Variants in CDK6 observed in about 807,000 individuals in gnomAD.
CDK6 encodes the protein cyclin dependent kinase 6.
In CDK6, 6 loss-of-function variants were observed where a neutral mutation model predicts 37.1. The ratio of observed to expected loss-of-function variants is 0.16; its 90% CI spans 0.09 to 0.32. The LOEUF is 0.32. Ranked by LOEUF, CDK6 falls within the 10% of genes least tolerant of loss-of-function variation. CDK6 has a pLI of 1.00. For synonymous variants in CDK6, 160 were observed against 161.3 expected (o/e 0.99, Z 0.06); for missense variants, 224 against 418.9 (o/e 0.53, Z 4.06).
At chr7:92,648,694 T>A (rs959915419) in intron 5 of CDK6, among the ~76,000 whole-genome samples, 5 of 152,152 alleles carry the variant, frequency 3.3e-5, no homozygotes, top group Admixed American at 2.6e-4. Flanking sequence ...GATGACCGAG[T>A]GTTTGCCAAG....
At chr7:92,806,695 T>C (rs1053565932) in intron 2 of CDK6, among the ~76,000 whole-genome samples, 2 of 152,022 alleles carry the variant, frequency 1.3e-5, no homozygotes, top group African/African-American at 2.4e-5. Context: ...CCAATAGAAA[T>C]TTTGCAACAT....
intron 2 of CDK6, among the ~76,000 whole-genome samples, chr7:92,804,781 T>A (rs1160184613): frequency 6.6e-6 from 1 of 152,186 alleles, no homozygotes; most frequent in Non-Finnish European, 1.5e-5. Context: ...TTAACATCAA[T>A]AACCTCTACC....
intron 6 of CDK6, 63 bp from the exon 7 acceptor site, chr7:92,618,270 A>T (rs1795724718): frequency 6.3e-7 from 1 of 1,575,948 alleles, no homozygotes; most frequent in African/African-American, 1.4e-5. Flanking sequence ...TTTCTCATCA[A>T]TTTCCAGAGA....
chr7:92,758,098 T>C (rs1799360153), intron 3 of CDK6, among the ~76,000 whole-genome samples: 1 of 152,216 alleles, frequency 6.6e-6, no homozygotes, highest in Non-Finnish European at 1.5e-5. Flanking sequence ...CTGTAGGGTG[T>C]TGTCTGTTTA....
intron 4 of CDK6, among the ~76,000 whole-genome samples, chr7:92,721,088 G>A (rs1798354809): frequency 1.3e-5 from 2 of 152,132 alleles, no homozygotes; most frequent in African/African-American, 4.8e-5. Context: ...ACCCATGCCA[G>A]GTGTTAAATA....
chr7:92,692,670 G>A (rs1244370962), intron 4 of CDK6, among the ~76,000 whole-genome samples: 3 of 151,812 alleles, frequency 2.0e-5, no homozygotes, highest in Non-Finnish European at 2.9e-5. Flanking sequence ...CCGTGGTCCC[G>A]GCTACTCTGG....
chr7:92,678,427 G>C (rs1240782716), intron 4 of CDK6, among the ~76,000 whole-genome samples: 1 of 152,098 alleles, frequency 6.6e-6, no homozygotes, highest in African/African-American at 2.4e-5. Context: ...CAACAGGAGG[G>C]GGAGCGGAAG....
At chr7:92,678,851 G>C (rs1422843726) in intron 4 of CDK6, among the ~76,000 whole-genome samples, 2 of 152,192 alleles carry the variant, frequency 1.3e-5, no homozygotes, top group African/African-American at 2.4e-5. Flanking sequence ...CAGAGAGAAG[G>C]AGAAGCATGA....
chr7:92,774,103 C>T (rs1052563711), intron 3 of CDK6, among the ~76,000 whole-genome samples: 3 of 152,186 alleles, frequency 2.0e-5, no homozygotes, highest in Non-Finnish European at 4.4e-5. Flanking sequence ...ATCTAGTTTA[C>T]TGACCTCTAA....
At chr7:92,746,744 G>C (rs1469837384) in intron 3 of CDK6, among the ~76,000 whole-genome samples, 1 of 152,132 alleles carries the variant, frequency 6.6e-6, no homozygotes, top group African/African-American at 2.4e-5. Flanking sequence ...ACCAACACCT[G>C]ACATTATAAA....
intron 3 of CDK6, among the ~76,000 whole-genome samples, chr7:92,738,496 G>A (rs1315801332): frequency 1.3e-5 from 2 of 151,984 alleles, no homozygotes; most frequent in Non-Finnish European, 2.9e-5. Flanking sequence ...AAAATTAGCT[G>A]GGCATGGTGG....
chr7:92,619,536 T>C (rs1382398696), intron 6 of CDK6, among the ~76,000 whole-genome samples: 1 of 151,582 alleles, frequency 6.6e-6, no homozygotes, highest in African/African-American at 2.4e-5. Context: ...GCTTGGCCTC[T>C]ACTTGTTGGG....
chr7:92,801,700 T>C (rs1383622986), intron 2 of CDK6, among the ~76,000 whole-genome samples: 2 of 151,728 alleles, frequency 1.3e-5, no homozygotes, highest in East Asian at 1.9e-4. Flanking sequence ...CGGTTCACTG[T>C]CACCCCCACC....
rs11285626 is a variant in CDK6, at chr7:92,711,552, ATTTTTTTTTTTT to A, written c.537+14062_537+14073del. On this transcript the variant is annotated intron_variant, in intron 4 of 7. Coordinates refer to ENST00000424848, the MANE Select transcript of CDK6 (RefSeq NM_001145306.2). ...TTTTTTACCTACCTGGAATGGTCAA[ATTTTTTTTTTTT>A]TTTTTTTTTTTTTTTTTTTAAGATA... 1.0e-3 allele frequency among the ~76,000 whole-genome samples: 58 copies of A among 56,630 alleles called. 2 individuals carry two copies. In the South Asian group the frequency reaches 0.024, roughly 24 times the overall value. The allele number at this position is 56,630 out of a possible 152,430, so 37.2% of individuals were successfully genotyped here. A position where few individuals can be genotyped will look rare whatever the true frequency, so the allele number is the denominator to read the frequency against.
At chr7:92,723,970 T>A (rs1039690445) in intron 4 of CDK6, among the ~76,000 whole-genome samples, 12 of 151,990 alleles carry the variant, frequency 7.9e-5, no homozygotes, top group African/African-American at 2.9e-4. Context: ...TATTTATGGT[T>A]ATTAGTGCCC....
rs538928407 is a variant in CDK6, at chr7:92,669,464, T to C, written c.647+1962A>G. ...GCATCAATCATGACTAGTATTCAAG[T>C]CTGTAATTGTTGAAGGACTCTGTCT... is the stretch of plus-strand genomic sequence containing the variant. On this transcript the variant is annotated intron_variant, in intron 5 of 7. Transcript: ENST00000424848. Among the ~76,000 whole-genome samples, 156 of 152,370 alleles carry C rather than the reference T, an allele frequency of 1.0e-3. 1 individual carries two copies. Among genetic ancestry groups the C allele is most frequent in the Middle Eastern group, 3.4e-3 (1 of 294 alleles).
intron 3 of CDK6, among the ~76,000 whole-genome samples, chr7:92,764,229 C>T (rs975194897): frequency 1.3e-5 from 2 of 151,606 alleles, no homozygotes; most frequent in African/African-American, 4.9e-5. Context: ...ACCTGAATCT[C>T]CCAGGCCCAA....
intron 2 of CDK6, among the ~76,000 whole-genome samples, chr7:92,825,403 C>T (rs1219261011): frequency 1.3e-5 from 2 of 152,150 alleles, no homozygotes; most frequent in African/African-American, 2.4e-5. Context: ...AGGAACAAGA[C>T]AACACAGTCC....
At chr7:92,827,910 T>C (rs960397853) in intron 2 of CDK6, among the ~76,000 whole-genome samples, 3 of 152,168 alleles carry the variant, frequency 2.0e-5, no homozygotes, top group Admixed American at 6.5e-5. Context: ...CATATTTGCT[T>C]ATGTGTCTGA....
Sources: allele counts gnomAD v4.1 joint callset (sites outside exome capture counted in the v4.1 genomes callset), GRCh38; gene constraint gnomAD v4.1.1; transcripts MANE v1.5; gene names NCBI Gene and HGNC (gene_info 2026-07-23, HGNC 2026-07-21).